TM9SF4: variants seen among roughly 807,000 people sequenced by gnomAD.
TM9SF4 encodes transmembrane 9 superfamily member 4, also known as dinucleotide oxidase disulfide thiol exchanger 3 superfamily member 4.
In TM9SF4, 26 loss-of-function variants were observed where a neutral mutation model predicts 90.4. That is an observed-to-expected ratio of 0.29 (90% confidence interval 0.21 to 0.40). The LOEUF (loss-of-function observed/expected upper bound fraction) is 0.40. Among genes scored for constraint, TM9SF4 ranks in the 10% least tolerant of loss-of-function variants. TM9SF4 has a pLI of 1.00. For synonymous variants in TM9SF4, 293 were observed against 315.4 expected (o/e 0.93, Z 0.75); for missense variants, 549 against 834.8 (o/e 0.66, Z 4.22).
chr20:32,147,890 A>G (rs374424061), intron 9 of TM9SF4, among the ~76,000 whole-genome samples: 4 of 150,092 alleles, frequency 2.7e-5, no homozygotes, highest in East Asian at 2.0e-4. Flanking sequence ...AGGACAGTAG[A>G]TAACTTGAGG....
Position 32,160,075 on chromosome 20 carries a change from C to T in TM9SF4, c.1653C>T (p.Ile551=). ...TCCTGGTGGTATCCTGTTCACAAATCAGCATCGTCATGGTGTACTTCCAGC... is the reference window on the plus strand; with the variant it reads ...TCCTGGTGGTATCCTGTTCACAAATTAGCATCGTCATGGTGTACTTCCAGC... ...FIILVVSCSQ[I]SIVMVYFQLC... The change falls in exon 16 of 18, where the codon ATC becomes ATT. Residue 551 remains isoleucine, a synonymous_variant. Coordinates refer to ENST00000398022, the MANE Select transcript of TM9SF4 (RefSeq NM_014742.4). The T allele has an allele frequency of 6.2e-7, 1 of 1,614,220 alleles. No homozygotes were observed. The highest frequency in any genetic ancestry group is 8.5e-7 in the Non-Finnish European group (1 of 1,180,034).
At chr20:32,123,147 A>G (rs1437194573) in intron 1 of TM9SF4, among the ~76,000 whole-genome samples, 1 of 105,454 alleles carries the variant, frequency 9.5e-6, no homozygotes, top group Non-Finnish European at 1.9e-5. Context: ...TCGGCATGAG[A>G]GGGAGACCAT....
intron 8 of TM9SF4, 76 bp from the exon 9 acceptor site, chr20:32,146,709 C>A: frequency 6.9e-7 from 1 of 1,450,390 alleles, no homozygotes; most frequent in Non-Finnish European, 9.6e-7. Context: ...AGTAAAACAT[C>A]ATGTCTAGGA....
intron 1 of TM9SF4, among the ~76,000 whole-genome samples, chr20:32,123,779 CT>C (rs1391340828): frequency 1.4e-5 from 2 of 146,932 alleles, no homozygotes; most frequent in African/African-American, 2.5e-5. Flanking sequence ...ACTTGTAAGT[CT>C]TTTATGTTCT....
chr20:32,157,670 G>A (rs2046948019), intron 13 of TM9SF4, 124 bp from the exon 14 acceptor site: 5 of 1,258,494 alleles, frequency 4.0e-6, no homozygotes, highest in Non-Finnish European at 5.5e-6. Context: ...TGGGGGCAGG[G>A]AGTGTGCTTC....
intron 1 of TM9SF4, among the ~76,000 whole-genome samples, chr20:32,118,443 T>C (rs1411532462): frequency 2.0e-5 from 3 of 152,092 alleles, no homozygotes; most frequent in Non-Finnish European, 4.4e-5. Flanking sequence ...TTTTAATTTT[T>C]TTAGAGACAG....
At chr20:32,155,394 G>T (rs2046904540) in intron 13 of TM9SF4, among the ~76,000 whole-genome samples, 1 of 152,228 alleles carries the variant, frequency 6.6e-6, no homozygotes, top group African/African-American at 2.4e-5. Context: ...CTTCCTGTGA[G>T]ATCTTTCAGT....
chr20:32,165,595 C>A lies in TM9SF4; in HGVS notation c.*151C>A. The A allele has an allele frequency of 2.3e-6, 2 of 855,924 alleles. No homozygotes were observed. Among genetic ancestry groups the A allele is most frequent in the Non-Finnish European group, 3.6e-6 (2 of 559,384 alleles). The allele number at this position is 855,924 out of a possible 1,614,324, so 53.0% of individuals were successfully genotyped here. ...CTGGATCCTGGGGCTGCGTGGGGGG[C>A]GGGAGGGCCTGTAGATAATCTTGCG... On this transcript the variant is annotated 3_prime_UTR_variant, in exon 18 of 18. Coordinates refer to ENST00000398022, the MANE Select transcript of TM9SF4 (RefSeq NM_014742.4).
chr20:32,125,880 G>T (rs1394408834), intron 1 of TM9SF4, among the ~76,000 whole-genome samples: 1 of 151,704 alleles, frequency 6.6e-6, no homozygotes, highest in African/African-American at 2.4e-5. Context: ...ATGTTGCCAA[G>T]GCTGGTCTCA....
intron 3 of TM9SF4, among the ~76,000 whole-genome samples, chr20:32,137,619 G>T (rs2046612650): frequency 6.6e-6 from 1 of 152,180 alleles, no homozygotes; most frequent in Non-Finnish European, 1.5e-5. Context: ...CTAGCCCAGT[G>T]CCTGACACAT....
Position 32,141,670 on chromosome 20 carries a change from G to C in TM9SF4, c.398+5G>C. On this transcript the variant is annotated splice_donor_5th_base_variant and intron_variant, in intron 4 of 17. Transcript: ENST00000398022. ...AGAAGACTACTACGTCCACCTGTAA[G>C]TCGCCCTGTGCTCCTTGCTGCCTCA... The C allele has an allele frequency of 6.2e-7, 1 of 1,614,002 alleles. No homozygotes were observed. The highest frequency in any genetic ancestry group is 8.5e-7 in the Non-Finnish European group (1 of 1,179,942).
At chr20:32,133,303 G>C (rs2046547389) in intron 2 of TM9SF4, among the ~76,000 whole-genome samples, 177 bp downstream of exon 2, 1 of 152,042 alleles carries the variant, frequency 6.6e-6, no homozygotes, top group Non-Finnish European at 1.5e-5. Flanking sequence ...CTCTGTTTCT[G>C]GTTCTTTCTG....
intron 3 of TM9SF4, among the ~76,000 whole-genome samples, chr20:32,139,196 G>C (rs761674730): frequency 1.3e-5 from 2 of 152,176 alleles, no homozygotes; most frequent in Non-Finnish European, 2.9e-5. Flanking sequence ...TGTAGCTCGC[G>C]GCCCTGCCAT....
chr20:32,122,974 C>T (rs1485500168), intron 1 of TM9SF4, among the ~76,000 whole-genome samples: 3 of 151,506 alleles, frequency 2.0e-5, no homozygotes, highest in Non-Finnish European at 4.4e-5. Flanking sequence ...GGAGACCAGC[C>T]CGGCCAACAC....
intron 1 of TM9SF4, among the ~76,000 whole-genome samples, chr20:32,129,466 C>T (rs994925803): frequency 2.6e-5 from 4 of 152,182 alleles, no homozygotes; most frequent in Non-Finnish European, 5.9e-5. Context: ...GCACTCCACC[C>T]TGGACAACAG....
chr20:32,163,273 A>C (rs1027908414), intron 17 of TM9SF4, among the ~76,000 whole-genome samples: 3 of 44,518 alleles, frequency 6.7e-5, no homozygotes, highest in Non-Finnish European at 9.1e-5. Context: ...AAAAAAATAT[A>C]TATATATATA....
At chr20:32,115,737 C>A (rs187653792) in intron 1 of TM9SF4, among the ~76,000 whole-genome samples, 13 of 149,580 alleles carry the variant, frequency 8.7e-5, no homozygotes, top group African/African-American at 3.0e-4. Context: ...AAACCGTTTG[C>A]GCTTTTAAGC....
At chr20:32,110,014 C>T (rs1388584471) in intron 1 of TM9SF4, 1 of 1,400,254 alleles carries the variant, frequency 7.1e-7, no homozygotes, top group African/African-American at 1.4e-5. Flanking sequence ...CGCCGGTTCC[C>T]ATTCTACTTT....
intron 1 of TM9SF4, among the ~76,000 whole-genome samples, chr20:32,120,403 T>TTG (rs1013082673): frequency 8.6e-5 from 13 of 151,416 alleles, no homozygotes; most frequent in African/African-American, 3.1e-4. Flanking sequence ...GCGTTTTTTT[T>TTG]TTTTTTTTTT....
Sources: gnomAD v4.1 joint callset for allele counts (sites outside exome capture counted in the v4.1 genomes callset) on GRCh38, gnomAD v4.1.1 for gene constraint, MANE v1.5 for transcripts, NCBI Gene and HGNC (gene_info 2026-07-23, HGNC 2026-07-21) for gene names.